FLYWCH2: variants seen among roughly 807,000 people sequenced by gnomAD.
FLYWCH2 encodes FLYWCH family member 2.
FLYWCH2 carries 2 observed loss-of-function variants against 6.0 expected under a neutral mutation model. The observed-to-expected ratio is 0.33, with a 90% CI of 0.14 to 1.04. The LOEUF (loss-of-function observed/expected upper bound fraction) is 1.04. FLYWCH2 is among the 50% of genes least tolerant of loss of function. The pLI, the probability that FLYWCH2 is intolerant of heterozygous loss-of-function variation, is 0.45. For synonymous variants in FLYWCH2, 87 were observed against 79.3 expected, an observed-to-expected ratio of 1.10 and a Z score of -0.52; for missense variants, 192 against 183.4, an observed-to-expected ratio of 1.05 and a Z score of -0.27.
chr16:2,893,729 C>T (rs1358360733), intron 1 of FLYWCH2, among the ~76,000 whole-genome samples: 2 of 151,392 alleles, frequency 1.3e-5, no homozygotes, highest in East Asian at 3.9e-4. Context: ...GCTCCGCCTC[C>T]CAGGTTCACG....
Position 2,899,044 on chromosome 16 carries a change from C to G in FLYWCH2, c.323-5C>G. 3 of 1,608,550 alleles carry G rather than the reference C, an allele frequency of 1.9e-6. No individual in the cohort carries two copies. The highest frequency in any genetic ancestry group is 2.5e-6 in the Non-Finnish European group (3 of 1,177,426). ...ACCAGCCTGATCCACCCTCTTCTCTCGCAGGCACAGACAGAACAGAAGACA... is the reference window on the plus strand; with the variant it reads ...ACCAGCCTGATCCACCCTCTTCTCTGGCAGGCACAGACAGAACAGAAGACA... On this transcript the variant is annotated splice_polypyrimidine_tract_variant and splice_region_variant and intron_variant, in intron 3 of 3. Transcript: ENST00000396958.
intron 1 of FLYWCH2, among the ~76,000 whole-genome samples, chr16:2,892,982 A>G (rs1315419399): frequency 7.3e-6 from 1 of 136,950 alleles, no homozygotes; most frequent in Non-Finnish European, 1.6e-5. Context: ...TATATATTAT[A>G]TATGTCACAT....
At chr16:2,896,833 G>A (rs982579500) in intron 3 of FLYWCH2, 62 bp downstream of exon 3, 25 of 1,463,006 alleles carry the variant, frequency 1.7e-5, no homozygotes, top group South Asian at 4.8e-5. Context: ...CCCCACAGCC[G>A]CGCTGGCTCC....
At position 2,899,164 on chromosome 16, in the gene FLYWCH2, G is replaced by C; in HGVS notation, c.*15G>C. On this transcript the variant is annotated 3_prime_UTR_variant, in exon 4 of 4. Transcript: ENST00000396958. Reference sequence around the variant, plus strand: ...AGTCCCTGTAACCTTGACAACAGGCGCATCCTCCCAGGCCACCAACCCAGC... The same window carrying C: ...AGTCCCTGTAACCTTGACAACAGGCCCATCCTCCCAGGCCACCAACCCAGC... The C allele has an allele frequency of 6.2e-7, 1 of 1,601,836 alleles. No homozygotes were observed. The highest frequency in any genetic ancestry group is 1.7e-5 in the Admixed American group (1 of 58,954).
chr16:2,893,048 G>A lies in FLYWCH2; in HGVS notation c.-199-2172G>A, dbSNP rs1373586096. ...CACACACACACATATAAATGCAGCA[G>A]CACGTATGGGAGGGGCTCACTTTCC... is the stretch of plus-strand genomic sequence containing the variant. On this transcript the variant is annotated intron_variant, in intron 1 of 3. Transcript: ENST00000396958. Among the ~76,000 whole-genome samples the A allele has an allele frequency of 3.3e-5, 5 of 150,076 alleles. No homozygotes were observed. The East Asian group carries it at 9.7e-4, about 29-fold the overall frequency.
rs1332045250 is a variant in FLYWCH2, at chr16:2,899,264, TTTTC to T, written c.*119_*122del. 1 of 496,578 alleles carries T rather than the reference TTTTC, an allele frequency of 2.0e-6. No homozygotes were observed. Among genetic ancestry groups the T allele is most frequent in the Non-Finnish European group, 3.4e-6 (1 of 296,200 alleles). 30.8% of individuals were successfully genotyped at this position (496,578 alleles called of 1,614,324 possible). A position where few individuals can be genotyped will look rare whatever the true frequency, so the allele number is the denominator to read the frequency against. On this transcript the variant is annotated 3_prime_UTR_variant, in exon 4 of 4. Coordinates refer to ENST00000396958, the MANE Select transcript of FLYWCH2 (RefSeq NM_138439.3). ...TTTGCTTTTAACATTGTGTGATTTC[TTTTC>T]TTTTTTTTTTTTTTTTTAGATCAAG...
chr16:2,899,109 A>G lies in FLYWCH2; in HGVS notation c.383A>G (p.Asn128Ser). The part of the protein sequence containing the change: ...AAGPPEAAGE[N>S]FAPCSVAPGK... ...GGGCCTCCTGAGGCTGCTGGGGAGA[A>G]CTTTGCCCCCTGCTCTGTGGCGCCC... Residue 128 changes from asparagine to serine, a missense_variant, in exon 4 of 4, where the codon AAC (asparagine) becomes AGC (serine). Transcript: ENST00000396958. The G allele has an allele frequency of 6.2e-7, 1 of 1,613,624 alleles. No individual in the cohort carries two copies. The highest frequency in any genetic ancestry group is 1.1e-5 in the South Asian group (1 of 91,014).
chr16:2,896,890 A>G (rs113442461), intron 3 of FLYWCH2, 119 bp downstream of exon 3: 14 of 995,150 alleles, frequency 1.4e-5, no homozygotes, highest in African/African-American at 8.1e-5. Context: ...CCTGACTTTG[A>G]CCACGTGTGG....
intron 1 of FLYWCH2, among the ~76,000 whole-genome samples, chr16:2,886,412 T>TG (rs1211186714): frequency 0.012 from 1,862 of 149,300 alleles, 53 homozygotes; most frequent in African/African-American, 0.045. Flanking sequence ...TTCACTATGT[T>TG]GTCTAGGCTG....
intron 1 of FLYWCH2, among the ~76,000 whole-genome samples, chr16:2,885,502 A>G (rs78549512): frequency 0.067 from 10,182 of 152,264 alleles, 472 homozygotes; most frequent in Non-Finnish European, 0.1. Context: ...CCACAAATCT[A>G]CGTTCTGTCT....
In FLYWCH2 at chr16:2,889,153, G is replaced by T. The variant is rs139522126; in HGVS notation, c.-200+5787G>T. ...TTTTTTGTTGTTGTTGTTGTTGTTT[G>T]TGTGTGTGTATACATGTGTATACAG... On this transcript the variant is annotated intron_variant, in intron 1 of 3. Transcript: ENST00000396958. 7.8e-3 allele frequency among the ~76,000 whole-genome samples: 1,166 copies of T among 148,598 alleles called. 24 individuals are homozygous for T. The highest frequency in any genetic ancestry group is 0.027 in the African/African-American group (1,097 of 40,144).
In FLYWCH2 at chr16:2,894,216, A is replaced by G. The variant is rs2069791761; in HGVS notation, c.-199-1004A>G. Among the ~76,000 whole-genome samples the G allele has an allele frequency of 2.0e-5, 3 of 152,120 alleles. No individual in the cohort carries two copies. In the South Asian group the frequency reaches 6.2e-4, roughly 31 times the overall value. The stretch of plus-strand genomic sequence containing the variant: ...GTCCCTGCCAGCCTTGTGGGGACCA[A>G]CTGCTGTATCTTGCAGGAATTTGCA... On this transcript the variant is annotated intron_variant, in intron 1 of 3. Coordinates refer to ENST00000396958, the MANE Select transcript of FLYWCH2 (RefSeq NM_138439.3).
chr16:2,883,667 A>G (rs1021600486), intron 1 of FLYWCH2, among the ~76,000 whole-genome samples: 2 of 149,700 alleles, frequency 1.3e-5, no homozygotes, highest in Admixed American at 6.6e-5. Flanking sequence ...GCACCCCCCA[A>G]CCCCCGCCGG....
chr16:2,898,804 C>A, intron 3 of FLYWCH2: 1 of 407,820 alleles, frequency 2.5e-6, no homozygotes, highest in Non-Finnish European at 4.4e-6. Flanking sequence ...CTGCGGCTTC[C>A]CAGTGCTCAG....
intron 1 of FLYWCH2, among the ~76,000 whole-genome samples, chr16:2,893,634 C>CTTTTTTTTTT (rs35147234): frequency 8.9e-6 from 1 of 111,930 alleles, no homozygotes; most frequent in Non-Finnish European, 1.8e-5. Flanking sequence ...TTCTTTTCTT[C>CTTTTTTTTTT]TTTTTTTTTT....
At position 2,899,071 on chromosome 16, in the gene FLYWCH2, T is replaced by C; in HGVS notation, c.345T>C (p.Ser115=). ...CAGGCACAGACAGAACAGAAGACAG[T>C]GGATTAGCAGCGGGGCCTCCTGAGG... ...QDPGTDRTED[S]GLAAGPPEAA... Residue 115 remains serine, a synonymous_variant, in exon 4 of 4, where the codon AGT becomes AGC. Transcript: ENST00000396958. 1.9e-6 allele frequency: 3 copies of C among 1,613,610 alleles called. No individual in the cohort carries two copies. Among genetic ancestry groups the C allele is most frequent in the Non-Finnish European group, 1.7e-6 (2 of 1,179,810 alleles).
chr16:2,898,970 G>A (rs1318758197), intron 3 of FLYWCH2, 79 bp from the exon 4 acceptor site: 1 of 1,143,846 alleles, frequency 8.7e-7, no homozygotes, highest in African/African-American at 1.6e-5. Flanking sequence ...TGAGAGTGAG[G>A]CCTGGTAGAC....
At chr16:2,884,558 TAAAAA>T (rs1317315836) in intron 1 of FLYWCH2, among the ~76,000 whole-genome samples, 3 of 39,286 alleles carry the variant, frequency 7.6e-5, no homozygotes, top group Non-Finnish European at 1.5e-4. Context: ...CCGTCTCTAC[TAAAAA>T]AAAAAAAAAA....
intron 1 of FLYWCH2, among the ~76,000 whole-genome samples, chr16:2,892,917 A>G (rs958200657): frequency 4.7e-5 from 7 of 147,414 alleles, no homozygotes; most frequent in African/African-American, 1.7e-4. Flanking sequence ...AATATATATT[A>G]TATATGTCAT....
Sources: allele counts gnomAD v4.1 joint callset (sites outside exome capture counted in the v4.1 genomes callset), GRCh38; gene constraint gnomAD v4.1.1; transcripts MANE v1.5; gene names NCBI Gene and HGNC (gene_info 2026-07-23, HGNC 2026-07-21).